The following FANCD2 variants were observed in gnomAD, a reference collection of about 807,000 sequenced individuals.
The protein encoded by FANCD2 is Fanconi anemia group D2 protein.
In FANCD2, 131 loss-of-function variants were observed where a neutral mutation model predicts 192.3. The observed-to-expected ratio is 0.68, with a 90% CI of 0.59 to 0.79. The LOEUF (loss-of-function observed/expected upper bound fraction) is 0.79. Ranked by LOEUF, FANCD2 falls within the 30% of genes least tolerant of loss-of-function variation. The pLI is 0.00. For missense variants in FANCD2, 1,508 were observed against 1,701.6 expected, an observed-to-expected ratio of 0.89 and a Z score of 2.00; for synonymous variants, 524 against 612.5, an observed-to-expected ratio of 0.86 and a Z score of 2.13.
At chr3:10,048,147 G>A in intron 16 of FANCD2, 96 bp downstream of exon 16, 1 of 1,548,902 alleles carries the variant, frequency 6.5e-7, no homozygotes, top group East Asian at 2.3e-5. Context: ...TGAAGGGGAA[G>A]GAACTCTGAC....
At chr3:10,056,068 G>A (rs6802535) in intron 18 of FANCD2, among the ~76,000 whole-genome samples, 29,633 of 151,978 alleles carry the variant, frequency 0.19, 3,341 homozygotes, top group African/African-American at 0.31. Context: ...TAGTAGAGAT[G>A]GGATTTTGCC....
chr3:10,065,417 C>G lies in FANCD2; in HGVS notation c.2192C>G (p.Ala731Gly). 6.2e-7 allele frequency: 1 copy of G among 1,613,776 alleles called. No homozygotes were observed. Among genetic ancestry groups the G allele is most frequent in the Non-Finnish European group, 8.5e-7 (1 of 1,179,658 alleles). Reference sequence around the variant, plus strand: ...AGATTGGTGTCTCCGCTGTGCCTGGCTCCGTATTTCCGGTTACTGAGACTT... The same window carrying G: ...AGATTGGTGTCTCCGCTGTGCCTGGGTCCGTATTTCCGGTTACTGAGACTT... ...GQKLVSPLCL[A>G]PYFRLLRLCV... The change falls in exon 24 of 44, where the codon GCT (alanine) becomes GGT (glycine). Residue 731 changes from alanine to glycine, a missense_variant. Ala to Gly is a moderately conservative substitution (Grantham distance 60). Transcript: ENST00000675286.
intron 43 of FANCD2, chr3:10,099,242 G>A: frequency 7.6e-7 from 1 of 1,321,890 alleles, no homozygotes. Flanking sequence ...GTCAGAAGCT[G>A]CCACCTTAGA....
At chr3:10,049,552 G>A (rs2087135905) in intron 17 of FANCD2, 47 bp downstream of exon 17, 1 of 1,549,338 alleles carries the variant, frequency 6.5e-7, no homozygotes, top group Non-Finnish European at 8.9e-7. Context: ...ACTATAATTG[G>A]TGGGAGGTGG....
chr3:10,033,368 T>A (rs1345676913), intron 3 of FANCD2, among the ~76,000 whole-genome samples: 1 of 151,924 alleles, frequency 6.6e-6, no homozygotes, highest in Non-Finnish European at 1.5e-5. Context: ...ACCACTGCAC[T>A]CCAGCCTGGG....
intron 32 of FANCD2, among the ~76,000 whole-genome samples, chr3:10,083,951 T>G (rs1184792656): frequency 2.6e-5 from 4 of 151,462 alleles, no homozygotes; most frequent in Non-Finnish European, 5.9e-5. Context: ...TTGAGCAATT[T>G]AGCCTGTGGT....
intron 11 of FANCD2, 25 bp from the exon 12 acceptor site, chr3:10,043,025 C>A: frequency 2.5e-6 from 4 of 1,597,422 alleles, no homozygotes; most frequent in Middle Eastern, 3.3e-4. Flanking sequence ...AGCAGAAAAC[C>A]ATAGCTAATA....
chr3:10,070,112 C>T (rs549638847), intron 26 of FANCD2, among the ~76,000 whole-genome samples: 7 of 150,396 alleles, frequency 4.7e-5, no homozygotes, highest in African/African-American at 1.7e-4. Context: ...TGCCCGGCCG[C>T]GACCCCGTCT....
chr3:10,032,381 A>C (rs996880769), intron 2 of FANCD2: 21 of 329,318 alleles, frequency 6.4e-5, no homozygotes, highest in Non-Finnish European at 1.1e-4. Flanking sequence ...CCTGGGCTCA[A>C]GTTATTCTTC....
chr3:10,093,894 A>C (rs1377210427), intron 39 of FANCD2, among the ~76,000 whole-genome samples: 1 of 152,146 alleles, frequency 6.6e-6, no homozygotes, highest in Non-Finnish European at 1.5e-5. Flanking sequence ...GAGATGGGCA[A>C]GTTGGAGAGA....
intron 14 of FANCD2, among the ~76,000 whole-genome samples, chr3:10,045,342 G>A (rs1412029720): frequency 6.6e-6 from 1 of 151,630 alleles, no homozygotes; most frequent in Non-Finnish European, 1.5e-5. Flanking sequence ...CTAATTTTTT[G>A]TATTTTTAGT....
intron 32 of FANCD2, among the ~76,000 whole-genome samples, chr3:10,084,801 G>A (rs950559145): frequency 1.3e-5 from 2 of 152,170 alleles, no homozygotes; most frequent in Admixed American, 1.3e-4. Flanking sequence ...CAAAGGTCAG[G>A]CAGAATAATT....
chr3:10,095,089 G>T (rs779084627), intron 40 of FANCD2, 111 bp from the exon 41 acceptor site: 51 of 869,424 alleles, frequency 5.9e-5, no homozygotes, highest in Non-Finnish European at 8.1e-5. Flanking sequence ...ATCAGCATAG[G>T]CTGGAAACTG....
chr3:10,047,371 G>C (rs570443821), intron 15 of FANCD2, among the ~76,000 whole-genome samples: 2 of 152,414 alleles, frequency 1.3e-5, no homozygotes, highest in Admixed American at 1.3e-4. Flanking sequence ...ACCCAGCTTA[G>C]TACTAAATAT....
chr3:10,043,969 T>C, intron 14 of FANCD2, 105 bp downstream of exon 14: 2 of 939,930 alleles, frequency 2.1e-6, no homozygotes, highest in Admixed American at 1.9e-5. Context: ...CCAGTCACTC[T>C]TCTCTCTCTT....
intron 6 of FANCD2, among the ~76,000 whole-genome samples, chr3:10,035,509 G>T (rs1041942197): frequency 6.6e-6 from 1 of 152,072 alleles, no homozygotes; most frequent in Non-Finnish European, 1.5e-5. Context: ...CTGAGTATCT[G>T]GTAATCTTTA....
rs1284041563 is a variant in FANCD2 at position 10,054,439 on chromosome 3, GTATATACATATATA to G, written c.1656+1949_1656+1962del. Among the ~76,000 whole-genome samples the G allele has an allele frequency of 5.7e-3, 230 of 40,278 alleles. 7 individuals are homozygous for G. The highest frequency in any genetic ancestry group is 0.044 in the African/African-American group (219 of 4,940). The allele number at this position is 40,278 out of a possible 152,430, so 26.4% of individuals were successfully genotyped here. A position where few individuals can be genotyped will look rare whatever the true frequency, so the allele number is the denominator to read the frequency against. On this transcript the variant is annotated intron_variant, in intron 18 of 43. Transcript: ENST00000675286. ...TATACATATATACATGTATATACAT[GTATATACATATATA>G]TATATATATATATATATATATTTTT... is the stretch of plus-strand genomic sequence containing the variant.
intron 38 of FANCD2, among the ~76,000 whole-genome samples, chr3:10,093,011 T>A (rs995991374): frequency 1.3e-5 from 2 of 152,130 alleles, no homozygotes; most frequent in African/African-American, 4.8e-5. Context: ...CTTTCTTAAG[T>A]CTTCAGATCA....
chr3:10,076,724 A>G (rs1263493199), intron 29 of FANCD2, among the ~76,000 whole-genome samples: 6 of 151,388 alleles, frequency 4.0e-5, no homozygotes, highest in South Asian at 2.1e-4. Context: ...TAGTTTTTTT[A>G]TTTGTTTGTT....
Sources: gnomAD v4.1 joint callset for allele counts (sites outside exome capture counted in the v4.1 genomes callset) on GRCh38, gnomAD v4.1.1 for gene constraint, MANE v1.5 for transcripts, NCBI Gene and HGNC (gene_info 2026-07-23, HGNC 2026-07-21) for gene names.